Variants in GRM5 observed in about 807,000 individuals in gnomAD.
GRM5 encodes the protein glutamate metabotropic receptor 5.
In GRM5, 19 loss-of-function variants were observed where a neutral mutation model predicts 83.1. That is an observed-to-expected ratio of 0.23 (90% confidence interval 0.16 to 0.34). The LOEUF is 0.34. Ranked by LOEUF, GRM5 falls within the 10% of genes least tolerant of loss-of-function variation. GRM5 has a pLI of 1.00. For synonymous variants in GRM5, 675 were observed against 633.6 expected (o/e 1.07, Z -0.98); for missense variants, 1,160 against 1,588.3 (o/e 0.73, Z 4.58).
chr11:89,047,756 A>G lies in GRM5; in HGVS notation c.117T>C (p.Ala39=). ...TAGGCTGGTGATGAACAGAAAAGAGAGCTCCAATAATGATGTCACCCGGCA... is the reference window on the plus strand; with the variant it reads ...TAGGCTGGTGATGAACAGAAAAGAGGGCTCCAATAATGATGTCACCCGGCA... The part of the protein sequence containing the change: ...AHMPGDIIIG[A]LFSVHHQPTV... The change falls in exon 2 of 10, where the codon GCT becomes GCC. Residue 39 remains alanine, a synonymous_variant. Coordinates refer to ENST00000305447, the MANE Select transcript of GRM5 (RefSeq NM_001143831.3). The surrounding 1 kb of genome is among the most constrained non-coding windows in gnomAD (Gnocchi z 5.1). 6.2e-7 allele frequency: 1 copy of G among 1,614,016 alleles called. No individual in the cohort carries two copies. The highest frequency in any genetic ancestry group is 8.5e-7 in the Non-Finnish European group (1 of 1,179,994).
At chr11:88,870,708 C>T (rs945537881) in intron 2 of GRM5, among the ~76,000 whole-genome samples, 2 of 151,384 alleles carry the variant, frequency 1.3e-5, no homozygotes, top group Non-Finnish European at 3.0e-5. Context: ...AAGGAATCTA[C>T]AAAACGACAT....
At chr11:88,737,897 A>G (rs1021819984) in intron 3 of GRM5, among the ~76,000 whole-genome samples, 4 of 152,088 alleles carry the variant, frequency 2.6e-5, no homozygotes, top group African/African-American at 9.6e-5. Flanking sequence ...GAGAGCAGTT[A>G]TACAATCCTA....
chr11:88,884,175 T>C (rs545750394), intron 2 of GRM5, among the ~76,000 whole-genome samples: 5 of 152,292 alleles, frequency 3.3e-5, no homozygotes, highest in South Asian at 2.1e-4. Flanking sequence ...GCTGGAGCCC[T>C]ACACTGCAAA....
chr11:88,793,043 C>G (rs568087397), intron 3 of GRM5, among the ~76,000 whole-genome samples: 2 of 152,038 alleles, frequency 1.3e-5, no homozygotes, highest in Admixed American at 1.3e-4. Flanking sequence ...ATAGCACTAG[C>G]CTTATGTTTA....
chr11:88,687,579 A>ATATTATATATATATAATATATAT (rs1250226972), intron 3 of GRM5, among the ~76,000 whole-genome samples: 4 of 46,878 alleles, frequency 8.5e-5, no homozygotes, highest in Admixed American at 3.7e-4. Flanking sequence ...ATATATATAT[A>ATATTATATATATATAATATATAT]ATATATATAT....
chr11:88,837,223 T>A (rs1405315292), intron 3 of GRM5, among the ~76,000 whole-genome samples: 1 of 152,274 alleles, frequency 6.6e-6, no homozygotes. Flanking sequence ...AGGACAAAAT[T>A]TATTACTGAA....
chr11:88,849,863 T>C lies in GRM5; in HGVS notation c.911+43A>G, dbSNP rs200924765. The C allele has an allele frequency of 8.5e-5, 136 of 1,593,518 alleles. 3 individuals carry two copies. In the African/African-American group the frequency reaches 1.5e-3, roughly 18 times the overall value. On this transcript the variant is annotated intron_variant, in intron 3 of 9. Transcript: ENST00000305447. ...AAAGCTACCCTTCAGTGCTGCCAAA[T>C]TCCTGGTATTAACTCCATGTAAATT...
At chr11:88,534,415 C>T (rs1052393448) in intron 8 of GRM5, among the ~76,000 whole-genome samples, 4 of 152,172 alleles carry the variant, frequency 2.6e-5, no homozygotes, top group African/African-American at 9.7e-5. Context: ...GGATGTGAGA[C>T]ATGAAGTCAA....
At chr11:88,998,151 T>TA (rs752535479) in intron 2 of GRM5, among the ~76,000 whole-genome samples, 11 of 150,536 alleles carry the variant, frequency 7.3e-5, no homozygotes, top group East Asian at 4.0e-4. Flanking sequence ...AGGGAGAAAC[T>TA]ACCTTGCAAA....
chr11:88,713,522 T>C (rs997622350), intron 3 of GRM5, among the ~76,000 whole-genome samples: 10 of 152,032 alleles, frequency 6.6e-5, no homozygotes, highest in African/African-American at 9.7e-5. Flanking sequence ...GATCTCTCTA[T>C]ATCTGCTACA....
chr11:88,839,051 T>G (rs939449995), intron 3 of GRM5, among the ~76,000 whole-genome samples: 1 of 152,184 alleles, frequency 6.6e-6, no homozygotes, highest in Non-Finnish European at 1.5e-5. Context: ...ATCTTCTCAG[T>G]TGGTTTCCTC....
intron 8 of GRM5, among the ~76,000 whole-genome samples, chr11:88,545,018 G>T (rs1392943026): frequency 6.6e-6 from 1 of 152,162 alleles, no homozygotes; most frequent in Non-Finnish European, 1.5e-5. Context: ...CAAAGAGATG[G>T]GACCTGAAAT....
At chr11:88,779,563 G>A (rs1942932666) in intron 3 of GRM5, among the ~76,000 whole-genome samples, 1 of 152,032 alleles carries the variant, frequency 6.6e-6, no homozygotes, top group African/African-American at 2.4e-5. Context: ...TCAGAAACAA[G>A]AGGAAATGAC....
chr11:88,766,157 A>G (rs1162208564), intron 3 of GRM5, among the ~76,000 whole-genome samples: 1 of 151,976 alleles, frequency 6.6e-6, no homozygotes, highest in Admixed American at 6.6e-5. Flanking sequence ...TTAAAATGTC[A>G]TTCCTATCAA....
At chr11:88,630,327 T>A (rs766268097) in intron 4 of GRM5, among the ~76,000 whole-genome samples, 3 of 152,198 alleles carry the variant, frequency 2.0e-5, no homozygotes, top group Non-Finnish European at 4.4e-5. Context: ...AACTCCAGTA[T>A]CTAAAATGCC....
chr11:88,525,531 A>G, intron 8 of GRM5, 127 bp from the exon 9 acceptor site: 1 of 661,808 alleles, frequency 1.5e-6, no homozygotes, highest in South Asian at 1.8e-5. Flanking sequence ...CCTGCTTCTC[A>G]ATGCAATGAC....
chr11:88,890,083 C>T (rs979683905), intron 2 of GRM5, among the ~76,000 whole-genome samples: 1 of 149,898 alleles, frequency 6.7e-6, no homozygotes, highest in African/African-American at 2.5e-5. Context: ...ATCAGAGAAG[C>T]ATGCTCTTGG....
intron 3 of GRM5, among the ~76,000 whole-genome samples, chr11:88,762,626 C>A (rs964231544): frequency 1.3e-5 from 2 of 152,008 alleles, no homozygotes; most frequent in Admixed American, 1.3e-4. Context: ...TGTGGTACCT[C>A]CTCAAAGAGC....
At chr11:88,687,550 A>ATAT (rs1225637191) in intron 3 of GRM5, among the ~76,000 whole-genome samples, 3 of 8,166 alleles carry the variant, frequency 3.7e-4, no homozygotes, top group Admixed American at 4.8e-3. Flanking sequence ...ACACACACAC[A>ATAT]CACATATATA....
Sources: allele counts gnomAD v4.1 joint callset (sites outside exome capture counted in the v4.1 genomes callset), GRCh38; gene constraint gnomAD v4.1.1; non-coding constraint Gnocchi (gnomAD v3.1); transcripts MANE v1.5; gene names NCBI Gene and HGNC (gene_info 2026-07-23, HGNC 2026-07-21).